Variants in ABCC2 observed in about 807,000 individuals in gnomAD.
The protein encoded by ABCC2 is ATP binding cassette subfamily C member 2.
In ABCC2, 157 loss-of-function variants were observed where a neutral mutation model predicts 173.4. That is an observed-to-expected ratio of 0.91 (90% CI 0.80 to 1.03). The LOEUF is 1.03. Ranked by LOEUF, ABCC2 falls within the 50% of genes least tolerant of loss-of-function variation. ABCC2 has a pLI of 0.00. For missense variants in ABCC2, 1,822 were observed against 1,852.3 expected, an observed-to-expected ratio of 0.98 and a Z score of 0.30; for synonymous variants, 657 against 693.5, an observed-to-expected ratio of 0.95 and a Z score of 0.83.
chr10:99,804,865 G>A (rs1161802693), intron 10 of ABCC2, among the ~76,000 whole-genome samples: 1 of 152,152 alleles, frequency 6.6e-6, no homozygotes, highest in Admixed American at 6.6e-5. Flanking sequence ...AGTGAGTTAG[G>A]GCTCCTGTTC....
chr10:99,814,336 T>TGTATATATACACACGTATGTATACACAC (rs1491249965), intron 16 of ABCC2, among the ~76,000 whole-genome samples: 26 of 135,262 alleles, frequency 1.9e-4, no homozygotes, highest in Admixed American at 5.7e-4. Context: ...TATACACACA[T>TGTATATATACACACGTATGTATACACAC]GTATATATAC....
chr10:99,783,509 T>C (rs1471703494), intron 1 of ABCC2, among the ~76,000 whole-genome samples: 1 of 152,054 alleles, frequency 6.6e-6, no homozygotes, highest in East Asian at 1.9e-4. Context: ...TCTAGTGGAA[T>C]AGAAAACAAA....
At chr10:99,830,471 T>C (rs1437632122) in intron 20 of ABCC2, 38 bp downstream of exon 20, 1 of 1,613,986 alleles carries the variant, frequency 6.2e-7, no homozygotes, top group Non-Finnish European at 8.5e-7. Context: ...TCGTCAGCTC[T>C]ATATTTCCAC....
At chr10:99,841,561 CA>C (rs2038944777) in intron 25 of ABCC2, among the ~76,000 whole-genome samples, 1 of 151,258 alleles carries the variant, frequency 6.6e-6, no homozygotes, top group African/African-American at 2.4e-5. Flanking sequence ...TCTCATAAAA[CA>C]AAAACAAAAA....
At chr10:99,801,133 A>G (rs897944775) in intron 9 of ABCC2, among the ~76,000 whole-genome samples, 12 of 152,076 alleles carry the variant, frequency 7.9e-5, no homozygotes, top group African/African-American at 2.9e-4. Flanking sequence ...AAATACATTC[A>G]TGCTGATTAC....
At chr10:99,785,006 T>A (rs572619580) in intron 2 of ABCC2, among the ~76,000 whole-genome samples, 2 of 152,298 alleles carry the variant, frequency 1.3e-5, no homozygotes, top group African/African-American at 4.8e-5. Flanking sequence ...TTCTTGTGGA[T>A]ATTGGGTTCC....
At chr10:99,835,569 T>C (rs1195381647) in intron 24 of ABCC2, among the ~76,000 whole-genome samples, 1 of 152,096 alleles carries the variant, frequency 6.6e-6, no homozygotes, top group Non-Finnish European at 1.5e-5. Context: ...ACCTCCAGAA[T>C]TCTCTGTACC....
chr10:99,811,724 A>G (rs1482189889), intron 15 of ABCC2, 122 bp downstream of exon 15: 1 of 1,143,032 alleles, frequency 8.7e-7, no homozygotes, highest in Non-Finnish European at 1.3e-6. Context: ...TCGGTTAGAT[A>G]CTAGTGCAGG....
chr10:99,797,249 A>G lies in ABCC2; in HGVS notation c.785A>G (p.Glu262Gly). 1 of 1,614,126 alleles carries G rather than the reference A, an allele frequency of 6.2e-7. No homozygotes were observed. The highest frequency in any genetic ancestry group is 8.5e-7 in the Non-Finnish European group (1 of 1,179,996). Reference protein sequence around the residue: ...KARRALQRRQEKSSQQNSGAR... With the variant: ...KARRALQRRQGKSSQQNSGAR... ...AGGCGGGCACTCCAGAGACGGCAGG[A>G]GAAGAGCTCCCAGCAGAACTCTGGA... The change falls in exon 7 of 32, where the codon GAG becomes GGG. Residue 262 changes from glutamate (E) to glycine (G), a missense_variant. Transcript: ENST00000647814.
intron 6 of ABCC2, 44 bp from the exon 7 acceptor site, chr10:99,797,053 G>T: frequency 6.3e-7 from 1 of 1,578,184 alleles, no homozygotes; most frequent in South Asian, 1.1e-5. Flanking sequence ...GATAGCCTCT[G>T]ACCCAGCCTG....
At chr10:99,828,861 T>C (rs776235111) in intron 19 of ABCC2, among the ~76,000 whole-genome samples, 12 of 151,932 alleles carry the variant, frequency 7.9e-5, no homozygotes, top group African/African-American at 1.5e-4. Flanking sequence ...CAGAGCCACA[T>C]AGTCAGCCGG....
At position 99,818,560 on chromosome 10, in the gene ABCC2, C is replaced by T. The variant is rs75947174; in HGVS notation, c.2272-230C>T. 0.039 allele frequency among the ~76,000 whole-genome samples: 5,953 copies of T among 152,290 alleles called. 156 individuals carry two copies. The highest frequency in any genetic ancestry group is 0.062 in the Non-Finnish European group (4,218 of 68,004). On this transcript the variant is annotated intron_variant, in intron 17 of 31. Coordinates refer to ENST00000647814, the MANE Select transcript of ABCC2 (RefSeq NM_000392.5). ...TGTCACAGGGTGACAAGCAACAAAACTATTAAATAAGTAAATTATCTGATA... is the reference window on the plus strand; with the variant it reads ...TGTCACAGGGTGACAAGCAACAAAATTATTAAATAAGTAAATTATCTGATA...
intron 25 of ABCC2, among the ~76,000 whole-genome samples, chr10:99,836,764 A>C (rs1192038963): frequency 6.6e-6 from 1 of 152,128 alleles, no homozygotes; most frequent in Non-Finnish European, 1.5e-5. Flanking sequence ...AGAGTTGGGA[A>C]TTTTTAGGTA....
chr10:99,850,937 AGT>A lies in ABCC2; in HGVS notation c.4508+142_4508+143del. On this transcript the variant is annotated intron_variant, in intron 31 of 31. Transcript: ENST00000647814. ...AAGAAACTGAGACTTAGAGATGTCA[AGT>A]AATCTGGCCAAAATTTTACATCACG... 6.3e-6 allele frequency: 7 copies of A among 1,111,604 alleles called. No individual in the cohort carries two copies. In the South Asian group the frequency reaches 7.9e-5, roughly 12 times the overall value. The allele number at this position is 1,111,604 out of a possible 1,614,324, so 68.9% of individuals were successfully genotyped here.
Position 99,835,336 on chromosome 10 carries a change from A to T in ABCC2, c.3415-755A>T, listed in dbSNP as rs151144232. 5.1e-4 allele frequency among the ~76,000 whole-genome samples: 77 copies of T among 152,292 alleles called. 1 individual carries two copies. The highest frequency in any genetic ancestry group is 1.9e-3 in the African/African-American group (77 of 41,560). ...CCTTTTAACTATTAATAACAAGCCA[A>T]CAAACAAGAAGCAGGGTTATTGGAG... On this transcript the variant is annotated intron_variant, in intron 24 of 31. Coordinates refer to ENST00000647814, the MANE Select transcript of ABCC2 (RefSeq NM_000392.5).
chr10:99,819,276 A>C lies in ABCC2; in HGVS notation c.2620+7A>C. On this transcript the variant is annotated splice_region_variant and intron_variant, in intron 19 of 31. Transcript: ENST00000647814. ...CCTGAAGAGGAAGCCACAGGTATGT[A>C]AGAAGGATTGGGACAAGATAGAACT... 1 of 1,611,808 alleles carries C rather than the reference A, an allele frequency of 6.2e-7. No individual in the cohort carries two copies. The highest frequency in any genetic ancestry group is 8.5e-7 in the Non-Finnish European group (1 of 1,179,254).
Position 99,848,809 on chromosome 10 carries a change from C to A in ABCC2, c.4313+1682C>A, listed in dbSNP as rs566001411. 6.8e-4 allele frequency among the ~76,000 whole-genome samples: 104 copies of A among 152,354 alleles called. 2 individuals are homozygous for A. In the South Asian group the frequency reaches 0.014, roughly 21 times the overall value. On this transcript the variant is annotated intron_variant, in intron 30 of 31. Transcript: ENST00000647814. ...GATTTTAGTGTGTAGCCCCAGGGAA[C>A]AAGCCCTGGTAGAGAACATCGTCAG...
rs2038248700 is a variant in ABCC2 at position 99,813,266 on chromosome 10, T to C, written c.2094+122T>C. On this transcript the variant is annotated intron_variant, in intron 16 of 31. Transcript: ENST00000647814. ...TGAGGTCTTGGAGACATCCGATAGATTTGTGGACTGTGATTCTCCTTCCCA... is the reference window on the plus strand; with the variant it reads ...TGAGGTCTTGGAGACATCCGATAGACTTGTGGACTGTGATTCTCCTTCCCA... 2.3e-6 allele frequency: 3 copies of C among 1,307,620 alleles called. No homozygotes were observed. The South Asian group carries it at 3.8e-5, about 17-fold the overall frequency. The allele number at this position is 1,307,620 out of a possible 1,614,324, so 81.0% of individuals were successfully genotyped here. A position where few individuals can be genotyped will look rare whatever the true frequency, so the allele number is the denominator to read the frequency against.
Position 99,819,112 on chromosome 10 carries a change from C to T in ABCC2, c.2463C>T (p.Ser821=). ...KGKTRLLVTH[S]MHFLPQVDEI... ...AGACTCGACTCTTGGTTACACATAG[C>T]ATGCACTTTCTTCCTCAAGTGGATG... Residue 821 remains serine (S), a synonymous_variant, in exon 19 of 32, where the codon AGC becomes AGT. Coordinates refer to ENST00000647814, the MANE Select transcript of ABCC2 (RefSeq NM_000392.5). 1.2e-6 allele frequency: 2 copies of T among 1,614,150 alleles called. No homozygotes were observed. The highest frequency in any genetic ancestry group is 1.7e-6 in the Non-Finnish European group (2 of 1,180,018).
Sources: allele counts gnomAD v4.1 joint callset (sites outside exome capture counted in the v4.1 genomes callset), GRCh38; gene constraint gnomAD v4.1.1; transcripts MANE v1.5; gene names NCBI Gene and HGNC (gene_info 2026-07-23, HGNC 2026-07-21).